Variants in PIWIL3 observed in about 807,000 individuals in gnomAD.
The protein encoded by PIWIL3 is piwi like RNA-mediated gene silencing 3.
A neutral mutation model predicts 109.7 loss-of-function variants in PIWIL3; 101 were observed. That is an observed-to-expected ratio of 0.92 (90% CI 0.78 to 1.09). PIWIL3 has a LOEUF of 1.09. PIWIL3 is among the 50% of genes least tolerant of loss of function. The pLI, the probability that PIWIL3 is intolerant of heterozygous loss-of-function variation, is 0.00. For missense variants in PIWIL3, 1,031 were observed against 1,072.6 expected, an observed-to-expected ratio of 0.96 and a Z score of 0.54; for synonymous variants, 373 against 376.4, an observed-to-expected ratio of 0.99 and a Z score of 0.10.
intron 9 of PIWIL3, among the ~76,000 whole-genome samples, 180 bp downstream of exon 9, chr22:24,751,207 T>C (rs1351539109): frequency 6.6e-6 from 1 of 152,092 alleles, no homozygotes. Context: ...TCTAGTTATG[T>C]GACATTACCC....
At chr22:24,771,993 C>G (rs1926162390) in intron 1 of PIWIL3, among the ~76,000 whole-genome samples, 1 of 152,152 alleles carries the variant, frequency 6.6e-6, no homozygotes, top group Non-Finnish European at 1.5e-5. Flanking sequence ...CTGTGCCCGG[C>G]CTATTTCTCT....
chr22:24,735,837 A>G lies in PIWIL3; in HGVS notation c.1505T>C (p.Leu502Pro). 6.2e-7 allele frequency: 1 copy of G among 1,613,048 alleles called. No individual in the cohort carries two copies. Among genetic ancestry groups the G allele is most frequent in the Non-Finnish European group, 8.5e-7 (1 of 1,179,620 alleles). ...WSREIRELPLLNAMPLHSWLI... is the reference protein window; with the variant it reads ...WSREIRELPLPNAMPLHSWLI... ...CCAACTATGTAGTGGCATTGCATTA[A>G]GTAAGGGTAATTCTCTTATTTCTCT... The change falls in exon 13 of 21, where the codon CTT (leucine) becomes CCT (proline). Residue 502 changes from leucine (L) to proline (P), a missense_variant. Coordinates refer to ENST00000616349, the MANE Select transcript of PIWIL3 (RefSeq NM_001255975.1).
intron 14 of PIWIL3, among the ~76,000 whole-genome samples, chr22:24,733,733 G>C (rs1366874361): frequency 1.3e-5 from 2 of 151,918 alleles, no homozygotes; most frequent in Non-Finnish European, 2.9e-5. Context: ...CAGGCAAGAA[G>C]AATAATAGGC....
chr22:24,724,191 A>G (rs1922850083), intron 18 of PIWIL3, among the ~76,000 whole-genome samples: 1 of 152,076 alleles, frequency 6.6e-6, no homozygotes, highest in Admixed American at 6.5e-5. Flanking sequence ...GCCACTATTT[A>G]TATCAAGCTC....
At position 24,754,122 on chromosome 22, in the gene PIWIL3, C is replaced by A; in HGVS notation, c.869G>T (p.Arg290Leu). Reference sequence around the variant, plus strand: ...TATGAAATCATAAGCAGTTTCTATTCGGAGCAGTTTGTGGCTCACATCGGC... The same window carrying A: ...TATGAAATCATAAGCAGTTTCTATTAGGAGCAGTTTGTGGCTCACATCGGC... ...LCADVSHKLL[R>L]IETAYDFIKR... The change falls in exon 8 of 21, where the codon CGA becomes CTA. Residue 290 changes from arginine to leucine, a missense_variant. Arg to Leu is a moderately radical substitution (Grantham distance 102, BLOSUM62 -2). Coordinates refer to ENST00000616349, the MANE Select transcript of PIWIL3 (RefSeq NM_001255975.1). 1 of 1,613,686 alleles carries A rather than the reference C, an allele frequency of 6.2e-7. No individual in the cohort carries two copies. The highest frequency in any genetic ancestry group is 8.5e-7 in the Non-Finnish European group (1 of 1,179,630).
intron 12 of PIWIL3, among the ~76,000 whole-genome samples, chr22:24,743,635 G>A (rs192792524): frequency 1.7e-4 from 26 of 152,096 alleles, no homozygotes; most frequent in Admixed American, 1.3e-3. Context: ...ATGCAAAGGC[G>A]TAAGAATGAT....
intron 19 of PIWIL3, among the ~76,000 whole-genome samples, chr22:24,720,199 C>T (rs1281496461): frequency 2.7e-5 from 4 of 146,634 alleles, no homozygotes; most frequent in Admixed American, 6.8e-5. Context: ...TAATTCTATT[C>T]GGAGATTCTT....
At chr22:24,723,658 T>C (rs1328245726) in intron 18 of PIWIL3, among the ~76,000 whole-genome samples, 3 of 152,204 alleles carry the variant, frequency 2.0e-5, no homozygotes, top group African/African-American at 7.2e-5. Flanking sequence ...GTGTGAACTA[T>C]TGGCAGACTA....
chr22:24,760,124 T>C, intron 2 of PIWIL3, 135 bp from the exon 3 acceptor site: 1 of 1,247,650 alleles, frequency 8.0e-7, no homozygotes, highest in Non-Finnish European at 1.1e-6. Context: ...AACTAAGTTG[T>C]AATAAGCAAC....
chr22:24,740,251 T>A (rs1601833553), intron 12 of PIWIL3, among the ~76,000 whole-genome samples: 1 of 135,580 alleles, frequency 7.4e-6, no homozygotes, highest in Non-Finnish European at 1.6e-5. Flanking sequence ...AAAGCTCAAT[T>A]AGAAATGAAA....
chr22:24,751,284 A>G, intron 9 of PIWIL3, 103 bp downstream of exon 9: 1 of 1,205,314 alleles, frequency 8.3e-7, no homozygotes, highest in Non-Finnish European at 1.2e-6. Context: ...AAAGGAAAAT[A>G]TGTATGTTTA....
chr22:24,759,210 T>TA (rs1045475336), intron 3 of PIWIL3, among the ~76,000 whole-genome samples: 7 of 152,254 alleles, frequency 4.6e-5, no homozygotes, highest in Non-Finnish European at 1.0e-4. Flanking sequence ...TACTATTTAA[T>TA]AACAACCCTT....
At chr22:24,759,840 C>G (rs200999239) in intron 3 of PIWIL3, 29 bp downstream of exon 3, 2 of 1,613,498 alleles carry the variant, frequency 1.2e-6, no homozygotes, top group South Asian at 1.1e-5. Context: ...GCATCCCCTG[C>G]CCCTCATGTC....
intron 16 of PIWIL3, 49 bp from the exon 17 acceptor site, chr22:24,725,564 C>T (rs1922941981): frequency 6.3e-7 from 1 of 1,592,546 alleles, no homozygotes; most frequent in Non-Finnish European, 8.6e-7. Flanking sequence ...CTTAAAATCT[C>T]ATTTGAGTCT....
Position 24,747,367 on chromosome 22 carries a change from T to TG in PIWIL3, c.1449+1539dup, listed in dbSNP as rs1924434143. On this transcript the variant is annotated intron_variant, in intron 12 of 20. Coordinates refer to ENST00000616349, the MANE Select transcript of PIWIL3 (RefSeq NM_001255975.1). ...CTATGAAACCACTACAAGAAAACAT[T>TG]GGGGAAACTCTCCAGGACATTAGAG... is the stretch of plus-strand genomic sequence containing the variant. Among the ~76,000 whole-genome samples, 5 of 152,122 alleles carry TG rather than the reference T, an allele frequency of 3.3e-5. No homozygotes were observed. In the South Asian group the frequency reaches 1.0e-3, roughly 32 times the overall value.
At chr22:24,765,071 A>G (rs1925710248) in intron 1 of PIWIL3, among the ~76,000 whole-genome samples, 1 of 152,202 alleles carries the variant, frequency 6.6e-6, no homozygotes, top group Admixed American at 6.5e-5. Flanking sequence ...TATTTCAGAT[A>G]TCAAAATTCT....
At chr22:24,764,273 G>A (rs551483767) in intron 1 of PIWIL3, among the ~76,000 whole-genome samples, 25 of 152,376 alleles carry the variant, frequency 1.6e-4, no homozygotes, top group Admixed American at 6.5e-4. Flanking sequence ...GAGTGGGGCT[G>A]GCTCGCCCTG....
Position 24,728,195 on chromosome 22 carries a change from G to A in PIWIL3, c.1887C>T (p.Leu629=), listed in dbSNP as rs774411596. The A allele has an allele frequency of 6.2e-7, 1 of 1,614,236 alleles. No individual in the cohort carries two copies. Among genetic ancestry groups the A allele is most frequent in the Admixed American group, 1.7e-5 (1 of 60,022 alleles). Residue 629 remains leucine, a synonymous_variant, in exon 15 of 21, where the codon CTC becomes CTT. Coordinates refer to ENST00000616349, the MANE Select transcript of PIWIL3 (RefSeq NM_001255975.1). ...QQMNCKMGGA[L]WKVETDVQRT... is the part of the protein sequence containing the mutation. ...AACATACGTCTGTCTCCACCTTCCAGAGGGCTCCTCCCATCTTGCAATTCA... is the reference window on the plus strand; with the variant it reads ...AACATACGTCTGTCTCCACCTTCCAAAGGGCTCCTCCCATCTTGCAATTCA...
intron 4 of PIWIL3, among the ~76,000 whole-genome samples, chr22:24,757,649 A>G (rs1291422241): frequency 9.3e-6 from 1 of 107,216 alleles, no homozygotes; most frequent in East Asian, 2.3e-4. Flanking sequence ...TATATAAAAT[A>G]TGTATATATT....
Sources: allele counts gnomAD v4.1 joint callset (sites outside exome capture counted in the v4.1 genomes callset), GRCh38; gene constraint gnomAD v4.1.1; transcripts MANE v1.5; gene names NCBI Gene and HGNC (gene_info 2026-07-23, HGNC 2026-07-21).